EP300: variants seen among roughly 807,000 people sequenced by gnomAD.
EP300 encodes the protein EP300 lysine acetyltransferase.
Under a neutral mutation model 264.0 loss-of-function variants are expected in EP300, and 31 were observed. The observed-to-expected ratio is 0.12, with a 90% CI of 0.09 to 0.16. EP300 has a LOEUF of 0.16. EP300 is among the 10% of genes least tolerant of loss of function. EP300 has a pLI of 1.00. For missense variants in EP300, 2,766 were observed against 3,052.9 expected (o/e 0.91, Z 2.21); for synonymous variants, 1,340 against 1,045.4 (o/e 1.28, Z -5.44).
Position 41,131,372 on chromosome 22 carries a change from C to T in EP300, c.1283-16C>T, listed in dbSNP as rs200548363. On this transcript the variant is annotated splice_polypyrimidine_tract_variant and intron_variant, in intron 5 of 30. Transcript: ENST00000263253. The stretch of plus-strand genomic sequence containing the variant: ...CCAGCATTAATTTGTAATACTATAT[C>T]TTTTGTCTTCTCTAGCAATTTTGAC... The T allele has an allele frequency of 6.1e-5, 98 of 1,612,742 alleles. No homozygotes were observed. The Admixed American group carries it at 8.2e-4, about 13-fold the overall frequency.
intron 1 of EP300, among the ~76,000 whole-genome samples, chr22:41,094,603 T>C (rs1367002357): frequency 6.6e-6 from 1 of 152,242 alleles, no homozygotes; most frequent in Non-Finnish European, 1.5e-5. Context: ...TTCATACACA[T>C]ACACAAACGT....
chr22:41,149,915 C>G lies in EP300; in HGVS notation c.2534C>G (p.Thr845Ser), dbSNP rs202070031. The change falls in exon 14 of 31, where the codon ACT (threonine) becomes AGT (serine). Residue 845 changes from threonine (T) to serine (S), a missense_variant. Transcript: ENST00000263253. ...AGTCGTACCCCCACCCCTCACCATACTCCCCCAAGCATAGGGGCTCAGCAG... is the reference window on the plus strand; with the variant it reads ...AGTCGTACCCCCACCCCTCACCATAGTCCCCCAAGCATAGGGGCTCAGCAG... The part of the protein sequence containing the change: ...VPSRTPTPHH[T>S]PPSIGAQQPP... 1,823 of 1,613,756 alleles carry G rather than the reference C, an allele frequency of 1.1e-3. 27 individuals carry two copies. Among genetic ancestry groups the G allele is most frequent in the Non-Finnish European group, 1.1e-4 (124 of 1,179,930 alleles).
At chr22:41,170,878 T>A (rs1048165076) in intron 27 of EP300, among the ~76,000 whole-genome samples, 2 of 151,470 alleles carry the variant, frequency 1.3e-5, no homozygotes, top group African/African-American at 2.4e-5. Context: ...TTAGCCAGGA[T>A]GGTCTCGATC....
rs1476701022 is a variant in EP300 at position 41,178,451 on chromosome 22, A to G, written c.6740A>G (p.Gln2247Arg). Residue 2247 changes from glutamine to arginine, a missense_variant, in exon 31 of 31, where the codon CAG (glutamine) becomes CGG (arginine). Coordinates refer to ENST00000263253, the MANE Select transcript of EP300 (RefSeq NM_001429.4). Reference protein sequence around the residue: ...GNMGQIGQLPQALGAEAGASL... With the variant: ...GNMGQIGQLPRALGAEAGASL... Reference sequence around the variant, plus strand: ...ATGGGACAGATAGGCCAGCTTCCCCAGGCCTTGGGAGCAGAGGCAGGTGCC... The same window carrying G: ...ATGGGACAGATAGGCCAGCTTCCCCGGGCCTTGGGAGCAGAGGCAGGTGCC... The G allele has an allele frequency of 6.2e-7, 1 of 1,614,106 alleles. No homozygotes were observed. The highest frequency in any genetic ancestry group is 1.1e-5 in the South Asian group (1 of 91,086).
chr22:41,159,278 A>G (rs978764156), intron 19 of EP300: 4 of 152,226 alleles, frequency 2.6e-5, no homozygotes, highest in Non-Finnish European at 5.9e-5. Context: ...TACCAAATCC[A>G]TGGTGTTGGT....
chr22:41,140,321 C>G (rs141323034), intron 9 of EP300, 64 bp downstream of exon 9: 3 of 1,107,076 alleles, frequency 2.7e-6, no homozygotes, highest in East Asian at 2.4e-5. Flanking sequence ...TTTTATTCCT[C>G]TTTAGCATGT....
At chr22:41,116,829 T>A (rs1301207154) in intron 1 of EP300, among the ~76,000 whole-genome samples, 3 of 152,148 alleles carry the variant, frequency 2.0e-5, no homozygotes, top group Non-Finnish European at 4.4e-5. Context: ...GGAAGGCCAA[T>A]GCAGACAGAT....
chr22:41,153,313 C>A (rs1003718700), intron 16 of EP300, among the ~76,000 whole-genome samples: 3 of 152,128 alleles, frequency 2.0e-5, no homozygotes, highest in Admixed American at 1.3e-4. Context: ...CTGGCTCTTA[C>A]AGATGATATA....
rs2058890818 is a variant in EP300, at chr22:41,127,653, A to G, written c.1073A>G (p.Asn358Ser). The G allele has an allele frequency of 1.9e-6, 3 of 1,614,198 alleles. No homozygotes were observed. The highest frequency in any genetic ancestry group is 2.7e-5 in the African/African-American group (2 of 75,056). The change falls in exon 4 of 31, where the codon AAT (asparagine) becomes AGT (serine). Residue 358 changes from asparagine to serine, a missense_variant. Asn to Ser is a conservative substitution (Grantham distance 46, BLOSUM62 1). Transcript: ENST00000263253. Reference protein sequence around the residue: ...AHKCQRREQANGEVRQCNLPH... With the variant: ...AHKCQRREQASGEVRQCNLPH... ...AAGTGCCAGCGCCGGGAACAGGCCA[A>G]TGGGGAAGTGAGGCAGTGCAACCTT...
At chr22:41,175,966 T>TC (rs1569120138) in intron 29 of EP300, 3 of 469,472 alleles carry the variant, frequency 6.4e-6, no homozygotes, top group Non-Finnish European at 1.2e-5. Context: ...ACACCTGTAA[T>TC]CCCAGCACTC....
chr22:41,109,979 A>C (rs910133988), intron 1 of EP300, among the ~76,000 whole-genome samples: 2 of 151,192 alleles, frequency 1.3e-5, no homozygotes, highest in Non-Finnish European at 3.0e-5. Flanking sequence ...ACGCCCAGCT[A>C]ATTTTTGTAT....
chr22:41,137,838 A>G (rs779121298), intron 8 of EP300, 48 bp downstream of exon 8: 4 of 1,613,340 alleles, frequency 2.5e-6, no homozygotes, highest in Non-Finnish European at 3.4e-6. Context: ...ATGTTACGTC[A>G]ACATGTTTTC....
intron 1 of EP300, among the ~76,000 whole-genome samples, chr22:41,114,610 G>T (rs897848499): frequency 6.6e-6 from 1 of 152,210 alleles, no homozygotes; most frequent in Admixed American, 6.5e-5. Flanking sequence ...ATGACCACAT[G>T]TTGGTTTAGT....
chr22:41,174,410 C>CA (rs1032580564), intron 29 of EP300, among the ~76,000 whole-genome samples: 2 of 151,900 alleles, frequency 1.3e-5, no homozygotes, highest in African/African-American at 2.4e-5. Context: ...GACTCTGTTT[C>CA]AAAAAATAAA....
Position 41,172,549 on chromosome 22 carries a change from G to A in EP300, c.4503G>A (p.Leu1501=), listed in dbSNP as rs368320273. 1.3e-3 allele frequency: 2,142 copies of A among 1,614,016 alleles called. 52 individuals carry two copies. In the South Asian group the frequency reaches 0.022, roughly 17 times the overall value. ...ATAGATTAACAAGTGCAAAGGAATT[G>A]CCTTATTTCGAGGGTGATTTCTGGC... ...TEDRLTSAKE[L]PYFEGDFWPN... The change falls in exon 28 of 31, where the codon TTG becomes TTA. Residue 1501 remains leucine (L), a synonymous_variant. Transcript: ENST00000263253.
chr22:41,173,421 C>T (rs566149945), intron 28 of EP300, among the ~76,000 whole-genome samples: 1 of 152,224 alleles, frequency 6.6e-6, no homozygotes, highest in South Asian at 2.1e-4. Flanking sequence ...TAAAGGGCTG[C>T]CATTGCCTTA....
rs560974570 is a variant in EP300 at position 41,179,058 on chromosome 22, A to G, written c.*102A>G. The G allele has an allele frequency of 3.2e-5, 45 of 1,424,436 alleles. No individual in the cohort carries two copies. The highest frequency in any genetic ancestry group is 5.6e-5 in the Admixed American group (3 of 53,444). The allele number at this position is 1,424,436 out of a possible 1,614,324, so 88.2% of individuals were successfully genotyped here. A position where few individuals can be genotyped will look rare whatever the true frequency, so the allele number is the denominator to read the frequency against. ...TGAATCTTTCGTAGCCTAAAAGACA[A>G]TTTTCCTTGGAACACATAAGAACTG... On this transcript the variant is annotated 3_prime_UTR_variant, in exon 31 of 31. Transcript: ENST00000263253.
In EP300 at chr22:41,141,920, G is replaced by A. The variant is rs140358979; in HGVS notation, c.2053+698G>A. Reference sequence around the variant, plus strand: ...TCAAACTCCTGGCCTCAAATGATCCGCCCACCTTGGCATCCCAAAGTACTA... The same window carrying A: ...TCAAACTCCTGGCCTCAAATGATCCACCCACCTTGGCATCCCAAAGTACTA... On this transcript the variant is annotated intron_variant, in intron 10 of 30. Coordinates refer to ENST00000263253, the MANE Select transcript of EP300 (RefSeq NM_001429.4). 2.6e-3 allele frequency among the ~76,000 whole-genome samples: 392 copies of A among 152,034 alleles called. 3 individuals are homozygous for A. The highest frequency in any genetic ancestry group is 4.2e-3 in the South Asian group (20 of 4,814).
At chr22:41,148,939 A>T (rs1284800853) in intron 12 of EP300, 99 bp from the exon 13 acceptor site, 2 of 1,546,854 alleles carry the variant, frequency 1.3e-6, no homozygotes, top group African/African-American at 2.7e-5. Flanking sequence ...GCTTTTCTCT[A>T]CTTAATAAGC....
Sources: gnomAD v4.1 joint callset for allele counts (sites outside exome capture counted in the v4.1 genomes callset) on GRCh38, gnomAD v4.1.1 for gene constraint, MANE v1.5 for transcripts, NCBI Gene and HGNC (gene_info 2026-07-23, HGNC 2026-07-21) for gene names.